Variants in NRSN1 observed in about 807,000 individuals in gnomAD.
NRSN1 encodes neurensin-1.
NRSN1 carries 14 observed loss-of-function variants against 17.3 expected under a neutral mutation model. That is an observed-to-expected ratio of 0.81 (90% CI 0.54 to 1.27). The LOEUF (loss-of-function observed/expected upper bound fraction) is 1.27, where lower values mean the gene tolerates loss of function less well. Among genes scored for constraint, NRSN1 ranks in the 50% most tolerant of loss-of-function variants. The probability of loss-of-function intolerance (pLI) is 0.00; values close to 1 mark genes in which losing one functional copy is unlikely to be tolerated. For missense variants in NRSN1, 209 were observed against 235.9 expected (o/e 0.89, Z 0.75); for synonymous variants, 79 against 94.2 (o/e 0.84, Z 0.93).
chr6:24,130,775 T>C (rs1760016556), intron 2 of NRSN1, among the ~76,000 whole-genome samples: 1 of 151,912 alleles, frequency 6.6e-6, no homozygotes, highest in South Asian at 2.1e-4. Flanking sequence ...TGGAAGGAGG[T>C]AGGAAATCAG....
chr6:24,136,901 T>A (rs1242914090), intron 3 of NRSN1, among the ~76,000 whole-genome samples: 6 of 152,190 alleles, frequency 3.9e-5, no homozygotes, highest in African/African-American at 1.4e-4. Flanking sequence ...AGAGACCTCA[T>A]CTCTATCAAG....
intron 2 of NRSN1, among the ~76,000 whole-genome samples, chr6:24,130,625 T>C (rs1760014603): frequency 4.6e-5 from 7 of 152,168 alleles, no homozygotes; most frequent in Admixed American, 4.6e-4. Flanking sequence ...TACGTGATAC[T>C]GAAGTAACTT....
intron 3 of NRSN1, chr6:24,141,297 G>T: frequency 8.2e-7 from 1 of 1,215,904 alleles, no homozygotes; most frequent in Admixed American, 4.2e-5. Flanking sequence ...GTATGGAATT[G>T]CTCCCTCAAT....
intron 3 of NRSN1, among the ~76,000 whole-genome samples, chr6:24,144,372 T>C (rs1343921628): frequency 1.3e-5 from 2 of 150,244 alleles, no homozygotes; most frequent in Non-Finnish European, 3.0e-5. Context: ...CACACCTATA[T>C]GTTGAACAAG....
chr6:24,132,263 C>G (rs369307316), intron 2 of NRSN1, among the ~76,000 whole-genome samples: 6 of 152,194 alleles, frequency 3.9e-5, no homozygotes, highest in Non-Finnish European at 7.3e-5. Context: ...TGCTGACTAT[C>G]CCTGGTTCCA....
At chr6:24,133,865 C>G (rs1373665646) in intron 2 of NRSN1, among the ~76,000 whole-genome samples, 1 of 152,126 alleles carries the variant, frequency 6.6e-6, no homozygotes, top group Non-Finnish European at 1.5e-5. Flanking sequence ...GAGACGGAGT[C>G]TCACTCTGTC....
At chr6:24,126,915 A>G (rs1759957725) in intron 1 of NRSN1, among the ~76,000 whole-genome samples, 2 of 151,890 alleles carry the variant, frequency 1.3e-5, no homozygotes, top group Non-Finnish European at 2.9e-5. Context: ...TTTAACAGCT[A>G]ATGTTTGTTT....
intron 1 of NRSN1, among the ~76,000 whole-genome samples, chr6:24,127,023 A>G (rs921574731): frequency 6.6e-6 from 1 of 152,214 alleles, no homozygotes; most frequent in Non-Finnish European, 1.5e-5. Context: ...CATGTGGGGA[A>G]TCTTCAGCGA....
chr6:24,129,874 A>G (rs1033818619), intron 2 of NRSN1, among the ~76,000 whole-genome samples: 14 of 152,374 alleles, frequency 9.2e-5, no homozygotes, highest in Non-Finnish European at 7.3e-5. Context: ...ATAGATAACC[A>G]AACAATGACA....
chr6:24,130,115 C>G (rs1010130530), intron 2 of NRSN1, among the ~76,000 whole-genome samples: 4 of 152,180 alleles, frequency 2.6e-5, no homozygotes, highest in Admixed American at 1.3e-4. Flanking sequence ...AAAAAAGGCT[C>G]TCTAAAATAT....
At chr6:24,133,648 T>TA (rs1287689409) in intron 2 of NRSN1, among the ~76,000 whole-genome samples, 2 of 152,220 alleles carry the variant, frequency 1.3e-5, no homozygotes, top group Non-Finnish European at 2.9e-5. Flanking sequence ...GTCAAGGCAA[T>TA]AAAAAATCTC....
At chr6:24,133,419 T>A (rs1035982087) in intron 2 of NRSN1, among the ~76,000 whole-genome samples, 2 of 152,214 alleles carry the variant, frequency 1.3e-5, no homozygotes, top group Non-Finnish European at 2.9e-5. Context: ...TCATACAACT[T>A]GACAATTAGT....
chr6:24,137,764 C>T (rs373793598), intron 3 of NRSN1, among the ~76,000 whole-genome samples: 3 of 152,008 alleles, frequency 2.0e-5, no homozygotes, highest in East Asian at 3.9e-4. Context: ...ATACTAAATG[C>T]TCCCCTTAAA....
intron 3 of NRSN1, among the ~76,000 whole-genome samples, chr6:24,142,837 C>CGGAA (rs1452525328): frequency 1.3e-5 from 2 of 152,168 alleles, no homozygotes; most frequent in Non-Finnish European, 2.9e-5. Context: ...ACAAAGCTTC[C>CGGAA]ACAGGGTGGA....
At chr6:24,132,928 C>A (rs1760059056) in intron 2 of NRSN1, among the ~76,000 whole-genome samples, 1 of 152,158 alleles carries the variant, frequency 6.6e-6, no homozygotes, top group Non-Finnish European at 1.5e-5. Context: ...TTTAAAAATC[C>A]AAACACGTAT....
At chr6:24,141,001 C>A (rs987946902) in intron 3 of NRSN1, 2 of 1,465,186 alleles carry the variant, frequency 1.4e-6, no homozygotes, top group Non-Finnish European at 1.8e-6. Context: ...GTCCTCGCTG[C>A]TGTTTCGGGA....
At position 24,145,741 on chromosome 6, in the gene NRSN1, C is replaced by T. The variant is rs745509574; in HGVS notation, c.383C>T (p.Thr128Met). The change falls in exon 4 of 4, where the codon ACG becomes ATG. Residue 128 changes from threonine to methionine, a missense_variant. Coordinates refer to ENST00000378491, the MANE Select transcript of NRSN1 (RefSeq NM_080723.5). The surrounding 1 kb of genome is among the most constrained non-coding windows in gnomAD (Gnocchi z 4.4). ...AGAVLFCIGGTSMAGCLLMSV... is the reference protein window; with the variant it reads ...AGAVLFCIGGMSMAGCLLMSV... ...GCTGTTCTCTTCTGCATTGGAGGCA[C>T]GTCCATGGCAGGGTGCCTGCTGATG... 21 of 1,614,028 alleles carry T rather than the reference C, an allele frequency of 1.3e-5. No homozygotes were observed. In the Admixed American group the frequency reaches 2.2e-4, roughly 17 times the overall value.
In NRSN1 at chr6:24,145,566, A is replaced by T; in HGVS notation, c.208A>T (p.Thr70Ser). 6.3e-7 allele frequency: 1 copy of T among 1,595,896 alleles called. No individual in the cohort carries two copies. The change falls in exon 4 of 4, where the codon ACA (threonine) becomes TCA (serine). Residue 70 changes from threonine (T) to serine (S), a missense_variant. Thr to Ser is a moderately conservative substitution (Grantham distance 58, BLOSUM62 1). Coordinates refer to ENST00000378491, the MANE Select transcript of NRSN1 (RefSeq NM_080723.5). This position sits in a 1 kb window ranked among gnomAD's most constrained non-coding sequence, Gnocchi z 4.4. The stretch of plus-strand genomic sequence containing the variant: ...CCTGTAGGTTGGACTCATCTCAGGT[A>T]CAGTTTTTGTGATCCTCGGATTGAC... Reference protein sequence around the residue: ...VFWKVGLISGTVFVILGLTVL... With the variant: ...VFWKVGLISGSVFVILGLTVL...
At chr6:24,136,116 A>G (rs1312538117) in intron 3 of NRSN1, among the ~76,000 whole-genome samples, 1 of 152,156 alleles carries the variant, frequency 6.6e-6, no homozygotes, top group Non-Finnish European at 1.5e-5. Context: ...AATTGGCCTT[A>G]TGGGGCCTCT....
Sources: gnomAD v4.1 joint callset for allele counts (sites outside exome capture counted in the v4.1 genomes callset) on GRCh38, gnomAD v4.1.1 for gene constraint, Gnocchi (gnomAD v3.1) non-coding constraint, MANE v1.5 for transcripts, NCBI Gene and HGNC (gene_info 2026-07-23, HGNC 2026-07-21) for gene names.